Variants in PDE12 observed in about 807,000 individuals in gnomAD.
PDE12 encodes 2',5'-phosphodiesterase 12.
Under a neutral mutation model 45.4 loss-of-function variants are expected in PDE12, and 26 were observed. The observed-to-expected ratio is 0.57, with a 90% CI of 0.42 to 0.79. The LOEUF is 0.79. Ranked by LOEUF, PDE12 falls within the 30% of genes least tolerant of loss-of-function variation. The pLI is 0.00. For synonymous variants in PDE12, 283 were observed against 323.9 expected (o/e 0.87, Z 1.36); for missense variants, 668 against 790.0 (o/e 0.85, Z 1.85).
chr3:57,630,572 CT>C, the PDE12 span: 28 of 1,546,640 alleles, frequency 1.8e-5, no homozygotes, highest in Non-Finnish European at 2.4e-5. Context: ...AACTTATTTC[CT>C]TTCCTCAATA....
At chr3:57,583,878 A>C in the PDE12 span, 1 of 1,512,062 alleles carries the variant, frequency 6.6e-7, no homozygotes, top group East Asian at 2.3e-5. Flanking sequence ...AAAGTTATAA[A>C]AACATACAGT....
chr3:57,603,950 A>C, the PDE12 span, among the ~76,000 whole-genome samples: 1 of 135,558 alleles, frequency 7.4e-6, no homozygotes, highest in East Asian at 2.2e-4. Flanking sequence ...TTTGAGATGG[A>C]GTCTCACTCT....
At chr3:57,620,766 C>A in the PDE12 span, among the ~76,000 whole-genome samples, 2 of 152,046 alleles carry the variant, frequency 1.3e-5, no homozygotes, top group African/African-American at 4.8e-5. Context: ...AGAGATAAAT[C>A]TGACAGAAGA....
the PDE12 span, chr3:57,597,973 TG>T: frequency 1.3e-5 from 2 of 152,338 alleles, no homozygotes; most frequent in African/African-American, 4.8e-5. Context: ...CCACGCCAAG[TG>T]ATTCTGAAGA....
the PDE12 span, among the ~76,000 whole-genome samples, chr3:57,653,122 G>GA: frequency 6.6e-6 from 1 of 152,114 alleles, no homozygotes; most frequent in Non-Finnish European, 1.5e-5. Flanking sequence ...AATGGTTTGG[G>GA]AAAAAAGTCT....
At chr3:57,607,112 C>T in the PDE12 span, among the ~76,000 whole-genome samples, 1 of 152,168 alleles carries the variant, frequency 6.6e-6, no homozygotes, top group South Asian at 2.1e-4. Context: ...CTGCAGCCTC[C>T]GCTGCTGATA....
chr3:57,560,352 T>G lies in PDE12; in HGVS notation c.*348T>G. ...TTGTTTTTGTTTTTTTGAGATGGAGTTTCACTCTTGTTGCCCAGGCTGGAG... is the reference window on the plus strand; with the variant it reads ...TTGTTTTTGTTTTTTTGAGATGGAGGTTCACTCTTGTTGCCCAGGCTGGAG... On this transcript the variant is annotated 3_prime_UTR_variant, in exon 3 of 3. Coordinates refer to ENST00000311180, the MANE Select transcript of PDE12 (RefSeq NM_177966.7). The G allele has an allele frequency of 1.0e-6, 1 of 999,606 alleles. No homozygotes were observed. The highest frequency in any genetic ancestry group is 1.2e-6 in the Non-Finnish European group (1 of 820,626). The allele number at this position is 999,606 out of a possible 1,614,324, so 61.9% of individuals were successfully genotyped here. A position where few individuals can be genotyped will look rare whatever the true frequency, so the allele number is the denominator to read the frequency against.
At chr3:57,599,442 A>G in the PDE12 span, among the ~76,000 whole-genome samples, 1 of 152,192 alleles carries the variant, frequency 6.6e-6, no homozygotes, top group African/African-American at 2.4e-5. Context: ...TTAGTTTTAT[A>G]TAGTAGAATT....
the PDE12 span, among the ~76,000 whole-genome samples, chr3:57,577,132 C>T: frequency 0.013 from 1,902 of 151,488 alleles, 24 homozygotes; most frequent in Non-Finnish European, 0.018. Context: ...TTTTTTAAAA[C>T]GCTCTATAAG....
chr3:57,586,565 A>G, the PDE12 span, among the ~76,000 whole-genome samples: 1 of 152,068 alleles, frequency 6.6e-6, no homozygotes, highest in African/African-American at 2.4e-5. Context: ...CCTGTTCCCC[A>G]CTTCGTACTC....
At chr3:57,646,579 T>C in the PDE12 span, 2 of 1,223,390 alleles carry the variant, frequency 1.6e-6, no homozygotes, top group Non-Finnish European at 2.2e-6. Context: ...CAAATTCATT[T>C]AGAATATGGT....
chr3:57,604,601 C>T, the PDE12 span, among the ~76,000 whole-genome samples: 3 of 44,512 alleles, frequency 6.7e-5, no homozygotes, highest in African/African-American at 8.9e-5. Context: ...CTTTTTCTTT[C>T]TTTTTTTTTT....
chr3:57,575,433 G>T, the PDE12 span: 6 of 1,018,648 alleles, frequency 5.9e-6, no homozygotes, highest in East Asian at 3.0e-5. Flanking sequence ...AATAAATGAT[G>T]TGCTCATTAT....
the PDE12 span, among the ~76,000 whole-genome samples, chr3:57,615,624 T>C: frequency 2.0e-5 from 3 of 151,942 alleles, no homozygotes; most frequent in African/African-American, 7.3e-5. Flanking sequence ...GCCAACATGG[T>C]GAAACCTCGT....
chr3:57,583,486 G>A, the PDE12 span, among the ~76,000 whole-genome samples: 3 of 152,058 alleles, frequency 2.0e-5, no homozygotes, highest in Admixed American at 6.6e-5. Flanking sequence ...TCAATGCAGC[G>A]AACTGACTTT....
chr3:57,618,928 T>C, the PDE12 span, among the ~76,000 whole-genome samples: 2 of 152,142 alleles, frequency 1.3e-5, no homozygotes, highest in Non-Finnish European at 2.9e-5. Context: ...TTTGTCAATA[T>C]ATTTGTTAAA....
the PDE12 span, among the ~76,000 whole-genome samples, chr3:57,600,550 C>T: frequency 2.0e-5 from 3 of 151,610 alleles, no homozygotes; most frequent in South Asian, 2.1e-4. Context: ...AGACATATTC[C>T]ACCATGCCCA....
chr3:57,645,880 G>T, the PDE12 span: 1 of 664,898 alleles, frequency 1.5e-6, no homozygotes. Flanking sequence ...TTAATAAATG[G>T]TAAACTCATT....
At chr3:57,650,185 A>G in the PDE12 span, among the ~76,000 whole-genome samples, 1 of 152,052 alleles carries the variant, frequency 6.6e-6, no homozygotes, top group Non-Finnish European at 1.5e-5. Context: ...CATATTGGGT[A>G]CAGTGTACAT....
Sources: allele counts gnomAD v4.1 joint callset (sites outside exome capture counted in the v4.1 genomes callset), GRCh38; gene constraint gnomAD v4.1.1; transcripts MANE v1.5; gene names NCBI Gene and HGNC (gene_info 2026-07-23, HGNC 2026-07-21).